The following TRIM51 variants were observed in gnomAD, a reference collection of about 807,000 sequenced individuals.
The protein encoded by TRIM51 is tripartite motif-containing 51, also known as tripartite motif-containing protein 51.
A neutral mutation model predicts 32.7 loss-of-function variants in TRIM51; 23 were observed. The observed-to-expected ratio is 0.70, with a 90% CI of 0.51 to 1.00. TRIM51 has a LOEUF of 1.00. Ranked by LOEUF, TRIM51 falls within the 50% of genes least tolerant of loss-of-function variation. The pLI is 0.00. For synonymous variants in TRIM51, 177 were observed against 181.9 expected (o/e 0.97, Z 0.22); for missense variants, 592 against 539.2 (o/e 1.10, Z -0.97).
At chr11:55,890,818 G>T (rs1854638219) in intron 6 of TRIM51, among the ~76,000 whole-genome samples, 2 of 152,078 alleles carry the variant, frequency 1.3e-5, no homozygotes. Flanking sequence ...TAATGACCTT[G>T]ATAGCTAAAG....
intron 3 of TRIM51, among the ~76,000 whole-genome samples, chr11:55,886,457 C>A (rs1193543544): frequency 6.6e-6 from 1 of 152,132 alleles, no homozygotes; most frequent in Admixed American, 6.5e-5. Context: ...AAACCTATAG[C>A]AATACCCCAG....
At position 55,884,175 on chromosome 11, in the gene TRIM51, A is replaced by ATATATATATATATATG. The variant is rs1854544978; in HGVS notation, c.-5+799_-5+800insTATATATGTATATATA. On this transcript the variant is annotated intron_variant, in intron 1 of 6. Transcript: ENST00000449290. Reference sequence around the variant, plus strand: ...ACTATAACTATATATATATATATATATATATATACACATACCAAAAATACT... The same window carrying ATATATATATATATATG: ...ACTATAACTATATATATATATATATATATATATATATATATGTATATATACACATACCAAAAATACT... Among the ~76,000 whole-genome samples the ATATATATATATATATG allele has an allele frequency of 1.6e-5, 2 of 127,840 alleles. 1 individual carries two copies. The highest frequency in any genetic ancestry group is 5.5e-4 in the South Asian group (2 of 3,630). The allele number at this position is 127,840 out of a possible 152,430, so 83.9% of individuals were successfully genotyped here.
chr11:55,891,266 G>T lies in TRIM51; in HGVS notation c.993G>T (p.Trp331Cys), dbSNP rs376445670. 1.2e-6 allele frequency: 2 copies of T among 1,609,292 alleles called. No individual in the cohort carries two copies. The highest frequency in any genetic ancestry group is 2.2e-5 in the South Asian group (2 of 91,078). ...ITGKSECFLV[W>C]GAQAFTSGKY... ...GAAAATCTGAATGTTTTCTTGTATGGGGGGCTCAGGCTTTCACATCTGGCA... is the reference window on the plus strand; with the variant it reads ...GAAAATCTGAATGTTTTCTTGTATGTGGGGCTCAGGCTTTCACATCTGGCA... The change falls in exon 7 of 7, where the codon TGG becomes TGT. Residue 331 changes from tryptophan to cysteine, a missense_variant. By Grantham distance (215) the Trp-to-Cys change is radical. Transcript: ENST00000449290.
chr11:55,885,881 T>C, intron 2 of TRIM51, 42 bp downstream of exon 2: 1 of 1,610,886 alleles, frequency 6.2e-7, no homozygotes, highest in Non-Finnish European at 8.5e-7. Context: ...ACAGGACACA[T>C]GAAATTCTTG....
At position 55,883,503 on chromosome 11, in the gene TRIM51, T is replaced by A. The variant is rs927313213; in HGVS notation, c.-5+119T>A. On this transcript the variant is annotated intron_variant, in intron 1 of 6. Coordinates refer to ENST00000449290, the MANE Select transcript of TRIM51 (RefSeq NM_032681.4). ...ATGATCTTATTTGTAACTCATATTA[T>A]TGCTATTCATTTTATGACATGAGGT... 7.9e-5 allele frequency: 12 copies of A among 152,336 alleles called. 1 individual carries two copies. The East Asian group carries it at 2.3e-3, about 29-fold the overall frequency. 9.4% of individuals were successfully genotyped at this position (152,336 alleles called of 1,614,324 possible). A position where few individuals can be genotyped will look rare whatever the true frequency, so the allele number is the denominator to read the frequency against.
Position 55,890,018 on chromosome 11 carries a change from G to A in TRIM51, c.838G>A (p.Asp280Asn). 1 of 1,613,156 alleles carries A rather than the reference G, an allele frequency of 6.2e-7. No homozygotes were observed. Among genetic ancestry groups the A allele is most frequent in the Non-Finnish European group, 8.5e-7 (1 of 1,179,346 alleles). ...LSAGPITGLLDSLSGFRVDFT... is the reference protein window; with the variant it reads ...LSAGPITGLLNSLSGFRVDFT... ...TGCAGGGCCCATCACTGGACTGCTGGACAGCCTCAGTGGATTCAGAGGTGA... is the reference window on the plus strand; with the variant it reads ...TGCAGGGCCCATCACTGGACTGCTGAACAGCCTCAGTGGATTCAGAGGTGA... Residue 280 changes from aspartate to asparagine, a missense_variant, in exon 6 of 7, where the codon GAC becomes AAC. Physicochemically the swap from Asp to Asn is conservative, Grantham distance 23 (BLOSUM62 1). Transcript: ENST00000449290.
Position 55,891,786 on chromosome 11 carries a change from A to G in TRIM51, c.*154A>G, listed in dbSNP as rs1435464343. The stretch of plus-strand genomic sequence containing the variant: ...ATCAAAACTCATTTATAGTGTTTCT[A>G]TTAAATATGGTGAAAACATTAAAAC... On this transcript the variant is annotated 3_prime_UTR_variant, in exon 7 of 7. Coordinates refer to ENST00000449290, the MANE Select transcript of TRIM51 (RefSeq NM_032681.4). 4.6e-6 allele frequency: 4 copies of G among 862,484 alleles called. No individual in the cohort carries two copies. The highest frequency in any genetic ancestry group is 5.3e-6 in the Non-Finnish European group (3 of 567,570). The allele number at this position is 862,484 out of a possible 1,614,324, so 53.4% of individuals were successfully genotyped here. A position where few individuals can be genotyped will look rare whatever the true frequency, so the allele number is the denominator to read the frequency against.
chr11:55,884,306 G>A (rs912650948), intron 1 of TRIM51, among the ~76,000 whole-genome samples: 2 of 150,988 alleles, frequency 1.3e-5, no homozygotes, highest in African/African-American at 4.9e-5. Flanking sequence ...TATACCCTAT[G>A]ATGTTCAAAC....
chr11:55,889,931 T>C lies in TRIM51; in HGVS notation c.762-11T>C, dbSNP rs1446765034. Reference sequence around the variant, plus strand: ...GCTGTAGATGTGATAACCCTATCTTTCCCCTTGCAGGTATGAGTCTCTGCT... The same window carrying C: ...GCTGTAGATGTGATAACCCTATCTTCCCCCTTGCAGGTATGAGTCTCTGCT... On this transcript the variant is annotated splice_polypyrimidine_tract_variant and intron_variant, in intron 5 of 6. Transcript: ENST00000449290. 4.4e-6 allele frequency: 7 copies of C among 1,606,940 alleles called. No homozygotes were observed. The African/African-American group carries it at 6.7e-5, about 15-fold the overall frequency.
chr11:55,886,807 T>C (rs1284880429), intron 3 of TRIM51, among the ~76,000 whole-genome samples: 1 of 152,160 alleles, frequency 6.6e-6, no homozygotes, highest in African/African-American at 2.4e-5. Context: ...GTATTTAATA[T>C]AAGGAGAAGT....
At chr11:55,889,526 G>A (rs192845786) in intron 5 of TRIM51, among the ~76,000 whole-genome samples, 114 of 152,270 alleles carry the variant, frequency 7.5e-4, no homozygotes, top group African/African-American at 2.5e-3. Flanking sequence ...ACAAAAGGCA[G>A]ATCTCCCTGC....
At chr11:55,884,485 C>G (rs1176582945) in intron 1 of TRIM51, among the ~76,000 whole-genome samples, 6 of 104,758 alleles carry the variant, frequency 5.7e-5, no homozygotes, top group Admixed American at 3.2e-4. Flanking sequence ...ATACCAATAT[C>G]CTGGCTGAGT....
chr11:55,886,110 G>T lies in TRIM51; in HGVS notation c.412-13G>T. 1 of 1,610,300 alleles carries T rather than the reference G, an allele frequency of 6.2e-7. No homozygotes were observed. The highest frequency in any genetic ancestry group is 8.5e-7 in the Non-Finnish European group (1 of 1,177,196). On this transcript the variant is annotated splice_polypyrimidine_tract_variant and intron_variant, in intron 2 of 6. Transcript: ENST00000449290. ...TGTCCTCACTTGTGCTTCAATTCGTGGCTGTTTTGCAGGAGGAGCTCCTAA... is the reference window on the plus strand; with the variant it reads ...TGTCCTCACTTGTGCTTCAATTCGTTGCTGTTTTGCAGGAGGAGCTCCTAA...
In TRIM51 at chr11:55,886,240, C is replaced by A. The variant is rs751815971; in HGVS notation, c.507+22C>A. On this transcript the variant is annotated intron_variant, in intron 3 of 6. Coordinates refer to ENST00000449290, the MANE Select transcript of TRIM51 (RefSeq NM_032681.4). ...GAAGGTTAGTACCGTATGACTCTAC[C>A]TTCTCCGGGAACTTATAGTGAACAA... 1.9e-6 allele frequency: 3 copies of A among 1,581,834 alleles called. No homozygotes were observed. The African/African-American group carries it at 4.0e-5, about 21-fold the overall frequency.
At position 55,891,205 on chromosome 11, in the gene TRIM51, T is replaced by C; in HGVS notation, c.932T>C (p.Val311Ala). The change falls in exon 7 of 7, where the codon GTT becomes GCT. Residue 311 changes from valine (V) to alanine (A), a missense_variant. Transcript: ENST00000449290. ...TGTGGAGATTTGAGAAGCATGAATG[T>C]TGGATGTGACCCTCAAGATGATCCC... is the stretch of plus-strand genomic sequence containing the variant. The part of the protein sequence containing the change: ...FLCGDLRSMN[V>A]GCDPQDDPDI... 2 of 1,603,976 alleles carry C rather than the reference T, an allele frequency of 1.2e-6. No homozygotes were observed. Among genetic ancestry groups the C allele is most frequent in the Non-Finnish European group, 1.7e-6 (2 of 1,179,694 alleles).
chr11:55,884,157 C>CTATATATATATA (rs143840865), intron 1 of TRIM51, among the ~76,000 whole-genome samples: 1,380 of 61,232 alleles, frequency 0.023, 108 homozygotes, highest in South Asian at 0.075. Flanking sequence ...ATAACTATAA[C>CTATATATATATA]TATATATATA....
Position 55,891,501 on chromosome 11 carries a change from G to A in TRIM51, c.1228G>A (p.Gly410Arg). 1 of 1,613,520 alleles carries A rather than the reference G, an allele frequency of 6.2e-7. No homozygotes were observed. The highest frequency in any genetic ancestry group is 8.5e-7 in the Non-Finnish European group (1 of 1,179,732). The stretch of plus-strand genomic sequence containing the variant: ...TGTTCCAAGACCTACCAGCACAGTA[G>A]GATTATTCCTGGATTGTGAAGGTAG... ...QYVPRPTSTV[G>R]LFLDCEGRTV... is the part of the protein sequence containing the mutation. The change falls in exon 7 of 7, where the codon GGA (glycine) becomes AGA (arginine). Residue 410 changes from glycine (G) to arginine (R), a missense_variant. Coordinates refer to ENST00000449290, the MANE Select transcript of TRIM51 (RefSeq NM_032681.4).
rs752883236 is a variant in TRIM51, at chr11:55,889,979, A to G, written c.799A>G (p.Asn267Asp). 1.9e-6 allele frequency: 3 copies of G among 1,613,400 alleles called. No homozygotes were observed. The Admixed American group carries it at 5.0e-5, about 27-fold the overall frequency. Residue 267 changes from asparagine to aspartate, a missense_variant, in exon 6 of 7, where the codon AAT (asparagine) becomes GAT (aspartate). Physicochemically the swap from Asn to Asp is conservative, Grantham distance 23. Transcript: ENST00000449290. ...GCTGCTGCAAGTGTCTGAGCCTGTG[A>G]ATCCAGAGCTCAGTGCAGGGCCCAT... ...SLLLQVSEPVNPELSAGPITG... is the reference protein window; with the variant it reads ...SLLLQVSEPVDPELSAGPITG...
rs1389302453 is a variant in TRIM51 at position 55,889,938 on chromosome 11, G to A, written c.762-4G>A. The A allele has an allele frequency of 6.2e-7, 1 of 1,610,298 alleles. No homozygotes were observed. Among genetic ancestry groups the A allele is most frequent in the East Asian group, 2.2e-5 (1 of 44,830 alleles). ...ATGTGATAACCCTATCTTTCCCCTT[G>A]CAGGTATGAGTCTCTGCTGCTGCAA... On this transcript the variant is annotated splice_region_variant and splice_polypyrimidine_tract_variant and intron_variant, in intron 5 of 6. Transcript: ENST00000449290.
Sources: allele counts gnomAD v4.1 joint callset (sites outside exome capture counted in the v4.1 genomes callset), GRCh38; gene constraint gnomAD v4.1.1; transcripts MANE v1.5; gene names NCBI Gene and HGNC (gene_info 2026-07-23, HGNC 2026-07-21).